Variants in PHLDB2 observed in about 807,000 individuals in gnomAD.
The protein encoded by PHLDB2 is pleckstrin homology like domain family B member 2, also known as pleckstrin homology-like domain family B member 2.
A neutral mutation model predicts 123.6 loss-of-function variants in PHLDB2; 71 were observed. The ratio of observed to expected loss-of-function variants is 0.57; its 90% CI spans 0.47 to 0.70. The LOEUF is 0.70. Among genes scored for constraint, PHLDB2 ranks in the 30% least tolerant of loss-of-function variants. The pLI is 0.00. For missense variants in PHLDB2, 1,446 were observed against 1,519.5 expected (o/e 0.95, Z 0.80); for synonymous variants, 547 against 541.6 (o/e 1.01, Z -0.14).
At chr3:111,778,967 C>T (rs1043499864) in intron 1 of PHLDB2, among the ~76,000 whole-genome samples, 4 of 152,118 alleles carry the variant, frequency 2.6e-5, no homozygotes, top group Non-Finnish European at 5.9e-5. Context: ...CATTAGGCCA[C>T]TCAGGCAGCC....
chr3:111,805,541 A>G (rs2061545704), intron 1 of PHLDB2, among the ~76,000 whole-genome samples: 2 of 149,688 alleles, frequency 1.3e-5, no homozygotes, highest in African/African-American at 5.0e-5. Context: ...AGCCTGGGCG[A>G]CAGAGCAACA....
chr3:111,828,898 T>A (rs2062800425), intron 1 of PHLDB2, among the ~76,000 whole-genome samples: 1 of 152,162 alleles, frequency 6.6e-6, no homozygotes, highest in East Asian at 1.9e-4. Context: ...TGCCACACAC[T>A]GTGTAGTATA....
At chr3:111,793,937 GA>G (rs1028757064) in intron 1 of PHLDB2, among the ~76,000 whole-genome samples, 19 of 151,214 alleles carry the variant, frequency 1.3e-4, no homozygotes, top group Non-Finnish European at 1.8e-4. Context: ...TCAAGCAGAA[GA>G]AAGGAATCAG....
chr3:111,879,065 A>G (rs2065806202), intron 1 of PHLDB2, among the ~76,000 whole-genome samples: 1 of 152,144 alleles, frequency 6.6e-6, no homozygotes, highest in Non-Finnish European at 1.5e-5. Flanking sequence ...TGCTGGCCTC[A>G]TCAAATGAGT....
chr3:111,808,449 T>C (rs1321469117), intron 1 of PHLDB2, among the ~76,000 whole-genome samples: 1 of 152,044 alleles, frequency 6.6e-6, no homozygotes, highest in Admixed American at 6.6e-5. Context: ...CACTTTTCTT[T>C]TGAGTCCTCG....
At chr3:111,913,743 G>C (rs762664646) in intron 3 of PHLDB2, 41 bp downstream of exon 3, 19 of 1,530,586 alleles carry the variant, frequency 1.2e-5, no homozygotes, top group Non-Finnish European at 1.7e-5. Flanking sequence ...TTAAGGTCTA[G>C]GGCTGTGCAT....
chr3:111,966,473 G>A, intron 13 of PHLDB2, 140 bp from the exon 14 acceptor site: 1 of 480,022 alleles, frequency 2.1e-6, no homozygotes, highest in Non-Finnish European at 3.7e-6. Context: ...TATATGCTTG[G>A]ATTTTGTTAT....
rs200751128 is a variant in PHLDB2 at position 111,962,289 on chromosome 3, T to C, written c.3054T>C (p.Ala1018=). 6.3e-7 allele frequency: 1 copy of C among 1,588,394 alleles called. No homozygotes were observed. Among genetic ancestry groups the C allele is most frequent in the African/African-American group, 1.4e-5 (1 of 73,078 alleles). The change falls in exon 13 of 18, where the codon GCT becomes GCC. Residue 1018 remains alanine, a synonymous_variant. Coordinates refer to ENST00000431670, the MANE Select transcript of PHLDB2 (RefSeq NM_001134438.2). ...SSDSMETSIS[A]CSPDNISSAS... is the part of the protein sequence containing the mutation. ...ATAGCATGGAGACCAGCATCTCTGC[T>C]TGCTCACCAGACAACATCTCTAGGT...
At chr3:111,834,218 TTA>T (rs71131982) in intron 1 of PHLDB2, among the ~76,000 whole-genome samples, 1,612 of 21,410 alleles carry the variant, frequency 0.075, 201 homozygotes, top group East Asian at 0.1. Flanking sequence ...TGTAATAGAA[TTA>T]TATATATATT....
intron 1 of PHLDB2, among the ~76,000 whole-genome samples, chr3:111,877,985 T>C (rs2065724731): frequency 6.6e-6 from 1 of 152,248 alleles, no homozygotes; most frequent in East Asian, 1.9e-4. Context: ...TCAGGTAGCA[T>C]GATGCCTCCA....
chr3:111,935,678 C>T (rs1688302), intron 6 of PHLDB2, among the ~76,000 whole-genome samples: 77,044 of 151,870 alleles, frequency 0.51, 20,319 homozygotes, highest in East Asian at 0.74. Context: ...GGGCAGGAAG[C>T]ATCTAGCACA....
chr3:111,905,752 G>C (rs1161816800), intron 2 of PHLDB2, among the ~76,000 whole-genome samples: 2 of 152,102 alleles, frequency 1.3e-5, no homozygotes, highest in Non-Finnish European at 2.9e-5. Context: ...CAGCATCGCA[G>C]CAAACACATG....
chr3:111,832,654 TAC>T (rs1224372584), intron 1 of PHLDB2, among the ~76,000 whole-genome samples: 7,820 of 133,330 alleles, frequency 0.059, 1,769 homozygotes, highest in South Asian at 0.072. Flanking sequence ...AATGCCATTA[TAC>T]ATATAATATA....
rs527244306 is a variant in PHLDB2, at chr3:111,758,643, G to C, written c.-49+25940G>C. 2.6e-5 allele frequency among the ~76,000 whole-genome samples: 4 copies of C among 152,314 alleles called. No individual in the cohort carries two copies. The East Asian group carries it at 7.7e-4, about 29-fold the overall frequency. Reference sequence around the variant, plus strand: ...CGCCCACTGTCTGGCACTCCCTAGTGAGATGAACCCGGTACCTCAGATGGA... The same window carrying C: ...CGCCCACTGTCTGGCACTCCCTAGTCAGATGAACCCGGTACCTCAGATGGA... On this transcript the variant is annotated intron_variant, in intron 1 of 17. Coordinates refer to the PHLDB2 transcript ENST00000393923.
Position 111,920,408 on chromosome 3 carries a change from G to T in PHLDB2, c.1990G>T (p.Glu664Ter), listed in dbSNP as rs2068428662. Residue 664 changes from glutamate to a stop codon, truncating the protein, a stop_gained, in exon 5 of 18, where the codon GAA (glutamate) becomes TAA (stop). Transcript: ENST00000431670. LOFTEE classifies it high-confidence loss of function. ...TGAACTGGAAAAGAACATTGTTGGT[G>T]AAAAGACCAAGGTAAAAGAAAATTA... ...IAELEKNIVG[E>*]KTKEKVKLDA... 6.2e-7 allele frequency: 1 copy of T among 1,613,080 alleles called. No homozygotes were observed. The highest frequency in any genetic ancestry group is 1.7e-5 in the Admixed American group (1 of 59,826).
At chr3:111,887,604 CA>C (rs2107348751) in intron 2 of PHLDB2, among the ~76,000 whole-genome samples, 1 of 152,178 alleles carries the variant, frequency 6.6e-6, no homozygotes, top group East Asian at 1.9e-4. Context: ...GTATGAATGC[CA>C]AAGGGTTTTC....
At chr3:111,781,173 T>C (rs2060460507) in intron 1 of PHLDB2, among the ~76,000 whole-genome samples, 1 of 152,088 alleles carries the variant, frequency 6.6e-6, no homozygotes, top group South Asian at 2.1e-4. Context: ...CAAGAAAAAC[T>C]AAATGCCTTA....
intron 2 of PHLDB2, among the ~76,000 whole-genome samples, chr3:111,912,859 C>G (rs575329232): frequency 6.6e-6 from 1 of 152,170 alleles, no homozygotes; most frequent in Non-Finnish European, 1.5e-5. Context: ...TGCCTGTAAT[C>G]TCAGCAACTT....
At chr3:111,775,472 T>G (rs6802960) in intron 1 of PHLDB2, among the ~76,000 whole-genome samples, 40,677 of 152,012 alleles carry the variant, frequency 0.27, 6,886 homozygotes, top group African/African-American at 0.48. Flanking sequence ...TGATGCTAAA[T>G]TTGATATAGC....
Sources: gnomAD v4.1 joint callset for allele counts (sites outside exome capture counted in the v4.1 genomes callset) on GRCh38, gnomAD v4.1.1 for gene constraint, MANE v1.5 for transcripts, NCBI Gene and HGNC (gene_info 2026-07-23, HGNC 2026-07-21) for gene names.